The following LRP1B variants were observed in gnomAD, a reference collection of about 807,000 sequenced individuals.
LRP1B encodes LDL receptor related protein 1B, also known as low-density lipoprotein receptor-related protein 1B.
A neutral mutation model predicts 556.6 loss-of-function variants in LRP1B; 217 were observed. That is an observed-to-expected ratio of 0.39 (90% confidence interval 0.35 to 0.44). LRP1B has a LOEUF of 0.44. Ranked by LOEUF, LRP1B falls within the 20% of genes least tolerant of loss-of-function variation. LRP1B has a pLI of 1.00. For missense variants in LRP1B, 5,053 were observed against 5,620.8 expected (o/e 0.90, Z 3.23); for synonymous variants, 2,047 against 1,865.8 (o/e 1.10, Z -2.50).
intron 66 of LRP1B, among the ~76,000 whole-genome samples, chr2:140,395,570 A>T (rs747656682): frequency 6.6e-6 from 1 of 152,220 alleles, no homozygotes. Flanking sequence ...GCTGCAGCTT[A>T]TCCCAGTGAG....
At chr2:141,135,885 A>T (rs566828826) in intron 7 of LRP1B, among the ~76,000 whole-genome samples, 1 of 152,058 alleles carries the variant, frequency 6.6e-6, no homozygotes, top group Middle Eastern at 3.4e-3. Flanking sequence ...TACCCCAAGC[A>T]AAATATAATT....
chr2:141,873,073 T>C (rs1339663504), intron 1 of LRP1B, among the ~76,000 whole-genome samples: 1 of 152,034 alleles, frequency 6.6e-6, no homozygotes, highest in East Asian at 1.9e-4. Flanking sequence ...TTCAGATTTA[T>C]GACCAAAGCA....
intron 25 of LRP1B, among the ~76,000 whole-genome samples, chr2:140,878,000 C>T (rs978305943): frequency 5.3e-5 from 8 of 152,092 alleles, no homozygotes. Flanking sequence ...AAGGCTTTCA[C>T]AGCTATGGTT....
At chr2:141,099,954 T>A (rs1192269818) in intron 7 of LRP1B, among the ~76,000 whole-genome samples, 1 of 152,202 alleles carries the variant, frequency 6.6e-6, no homozygotes, top group East Asian at 1.9e-4. Flanking sequence ...AATACTATTA[T>A]TCTATTTTAC....
At chr2:140,464,042 A>C (rs996194988) in intron 60 of LRP1B, among the ~76,000 whole-genome samples, 13 of 151,918 alleles carry the variant, frequency 8.6e-5, no homozygotes, top group Non-Finnish European at 1.8e-4. Context: ...CTAAAAATAC[A>C]AAAATTAGCC....
intron 1 of LRP1B, among the ~76,000 whole-genome samples, chr2:141,935,388 A>G (rs1353984249): frequency 1.3e-5 from 2 of 152,238 alleles, no homozygotes; most frequent in Admixed American, 6.5e-5. Context: ...ATTCATTATT[A>G]GAGAAGGAAT....
At chr2:141,138,569 A>G (rs1395853447) in intron 7 of LRP1B, among the ~76,000 whole-genome samples, 1 of 2,230 alleles carries the variant, frequency 4.5e-4, no homozygotes, top group Non-Finnish European at 7.6e-3. Flanking sequence ...AGAATGCAAT[A>G]TAAATGTCAT....
At chr2:142,077,353 T>C (rs1705541224) in intron 1 of LRP1B, among the ~76,000 whole-genome samples, 1 of 152,138 alleles carries the variant, frequency 6.6e-6, no homozygotes, top group East Asian at 1.9e-4. Flanking sequence ...GAGCATTCTT[T>C]AGGAAGGGAC....
At chr2:142,095,438 A>G (rs1706326739) in intron 1 of LRP1B, among the ~76,000 whole-genome samples, 1 of 151,862 alleles carries the variant, frequency 6.6e-6, no homozygotes, top group Non-Finnish European at 1.5e-5. Context: ...TATAGTTTAC[A>G]TAAACAACCA....
intron 1 of LRP1B, among the ~76,000 whole-genome samples, chr2:142,022,572 T>C (rs1703369727): frequency 6.6e-6 from 1 of 152,200 alleles, no homozygotes; most frequent in African/African-American, 2.4e-5. Flanking sequence ...GCTCATTCTG[T>C]ACAGTGTTTT....
chr2:140,615,522 GC>G (rs1374202990), intron 41 of LRP1B, among the ~76,000 whole-genome samples: 2 of 152,068 alleles, frequency 1.3e-5, no homozygotes, highest in African/African-American at 4.8e-5. Context: ...AACCTGTCGG[GC>G]AATTACAAAG....
At chr2:141,347,951 T>C (rs1403616771) in intron 3 of LRP1B, among the ~76,000 whole-genome samples, 1 of 152,070 alleles carries the variant, frequency 6.6e-6, no homozygotes, top group Non-Finnish European at 1.5e-5. Flanking sequence ...CTTGAGAAAG[T>C]GACATAGCTC....
chr2:140,647,973 T>C (rs1369461287), intron 41 of LRP1B, among the ~76,000 whole-genome samples: 1 of 152,166 alleles, frequency 6.6e-6, no homozygotes, highest in Non-Finnish European at 1.5e-5. Context: ...CATGCTGCTA[T>C]AAAGACATGT....
At chr2:141,476,569 A>G (rs1048807132) in intron 3 of LRP1B, among the ~76,000 whole-genome samples, 1 of 152,162 alleles carries the variant, frequency 6.6e-6, no homozygotes, top group Non-Finnish European at 1.5e-5. Context: ...ATATACAAAA[A>G]TCCATTATTC....
chr2:140,274,154 C>A (rs1682575095), intron 85 of LRP1B, among the ~76,000 whole-genome samples: 1 of 151,844 alleles, frequency 6.6e-6, no homozygotes, highest in Admixed American at 6.6e-5. Context: ...GCATTTCTTG[C>A]TTACTCAGGA....
At chr2:141,175,422 C>T (rs1373611972) in intron 7 of LRP1B, among the ~76,000 whole-genome samples, 1 of 152,144 alleles carries the variant, frequency 6.6e-6, no homozygotes, top group Non-Finnish European at 1.5e-5. Flanking sequence ...TGCATAGCAG[C>T]TGCTCCAGCT....
At chr2:140,495,471 A>G (rs1192608904) in intron 56 of LRP1B, 94 bp downstream of exon 56, 71 of 1,171,024 alleles carry the variant, frequency 6.1e-5, no homozygotes, top group Non-Finnish European at 8.0e-5. Flanking sequence ...TTTCAGAAGC[A>G]TCAAGGAGGA....
chr2:140,530,201 T>C (rs1212141044), intron 47 of LRP1B, among the ~76,000 whole-genome samples: 1 of 152,136 alleles, frequency 6.6e-6, no homozygotes, highest in Non-Finnish European at 1.5e-5. Flanking sequence ...CTTCCAATTG[T>C]ATCACTTTAT....
intron 3 of LRP1B, among the ~76,000 whole-genome samples, chr2:141,458,119 C>A (rs1681702781): frequency 6.6e-6 from 1 of 152,044 alleles, no homozygotes; most frequent in African/African-American, 2.4e-5. Context: ...CCATGTCAAT[C>A]CCTAAAGGGT....
Sources: allele counts gnomAD v4.1 joint callset (sites outside exome capture counted in the v4.1 genomes callset), GRCh38; gene constraint gnomAD v4.1.1; transcripts MANE v1.5; gene names NCBI Gene and HGNC (gene_info 2026-07-23, HGNC 2026-07-21).